TSPAN7: variants seen among roughly 807,000 people sequenced by gnomAD.
TSPAN7 encodes tetraspanin-7.
In TSPAN7, 1 loss-of-function variant was observed where a neutral mutation model predicts 17.6. The observed-to-expected ratio is 0.06, with a 90% confidence interval of 0.02 to 0.27. TSPAN7 has a LOEUF of 0.27. Ranked by LOEUF, TSPAN7 falls within the 10% of genes least tolerant of loss-of-function variation. TSPAN7 has a pLI of 1.00. For synonymous variants in TSPAN7, 78 were observed against 79.0 expected (o/e 0.99, Z 0.07); for missense variants, 112 against 201.7 (o/e 0.56, Z 2.69).
chrX:38,603,853 T>A (rs927258635), intron 1 of TSPAN7, among the ~76,000 whole-genome samples: 1 of 108,957 alleles, frequency 9.2e-6, no homozygotes, highest in South Asian at 3.8e-4. Flanking sequence ...GTATTTTTAT[T>A]TATTTATTTA....
chrX:38,674,890 G>A (rs2069843416), intron 4 of TSPAN7, among the ~76,000 whole-genome samples: 1 of 111,630 alleles, frequency 9.0e-6, no homozygotes, highest in Non-Finnish European at 1.9e-5. Context: ...AATCACTAAG[G>A]GGGATTTTGC....
chrX:38,573,945 G>A lies in TSPAN7; in HGVS notation c.81+12318G>A, dbSNP rs778448149. On this transcript the variant is annotated intron_variant, in intron 1 of 7. Transcript: ENST00000378482. Reference sequence around the variant, plus strand: ...ACTGTTGATATTGACTTTGATCACCGGGGTGAGATAATTTGTCAGGTTTCT... The same window carrying A: ...ACTGTTGATATTGACTTTGATCACCAGGGTGAGATAATTTGTCAGGTTTCT... Among the ~76,000 whole-genome samples the A allele has an allele frequency of 3.6e-5, 4 of 111,476 alleles. No homozygotes were observed. In the South Asian group the frequency reaches 1.1e-3, roughly 31 times the overall value.
Position 38,666,228 on chromosome X carries a change from C to G in TSPAN7, c.189C>G (p.Ile63Met). 1 of 1,211,689 alleles carries G rather than the reference C, an allele frequency of 8.3e-7. No individual in the cohort carries two copies. The change falls in exon 2 of 8, where the codon ATC becomes ATG. Residue 63 changes from isoleucine to methionine, a missense_variant. Transcript: ENST00000378482. ...CCACAAATGCTCCCTATGTGCTCAT[C>G]GGAACTGGCACCACTATTGTTGTCT... ...ENSTNAPYVL[I>M]GTGTTIVVFG...
intron 1 of TSPAN7, among the ~76,000 whole-genome samples, chrX:38,644,661 T>C (rs893516517): frequency 6.3e-5 from 7 of 111,844 alleles, no homozygotes; most frequent in African/African-American, 2.3e-4. Flanking sequence ...ACTCACTGTG[T>C]GATCTTAGGC....
intron 1 of TSPAN7, among the ~76,000 whole-genome samples, chrX:38,584,409 G>A (rs1379614275): frequency 3.6e-5 from 4 of 111,661 alleles, no homozygotes; most frequent in African/African-American, 1.3e-4. Context: ...AATGAAATTA[G>A]GGTGGGCCAT....
intron 1 of TSPAN7, among the ~76,000 whole-genome samples, chrX:38,577,832 T>C (rs754531324): frequency 3.5e-4 from 37 of 105,580 alleles, no homozygotes; most frequent in Non-Finnish European, 6.2e-4. Flanking sequence ...AGAGACGTGG[T>C]TGGTGTAGGG....
At chrX:38,662,439 T>C (rs1305699788) in intron 1 of TSPAN7, among the ~76,000 whole-genome samples, 1 of 111,451 alleles carries the variant, frequency 9.0e-6, no homozygotes. Context: ...GTACAGAACA[T>C]TGACTGTGTG....
chrX:38,656,279 A>G (rs114156269), intron 1 of TSPAN7: 3,452 of 134,611 alleles, frequency 0.026, 134 homozygotes, highest in African/African-American at 0.1. Flanking sequence ...ATGTGTAGTC[A>G]GTACAAACAT....
At chrX:38,677,797 C>G (rs1418445853) in intron 5 of TSPAN7, among the ~76,000 whole-genome samples, 2 of 112,524 alleles carry the variant, frequency 1.8e-5, no homozygotes, top group African/African-American at 3.2e-5. Context: ...TTTCCTGACT[C>G]AATGTCAGAC....
chrX:38,656,637 C>A (rs2069706964), intron 1 of TSPAN7, among the ~76,000 whole-genome samples: 1 of 112,028 alleles, frequency 8.9e-6, no homozygotes, highest in Admixed American at 9.5e-5. Context: ...GTACATAAAT[C>A]TCCTGGTAAG....
chrX:38,585,947 G>C (rs1458517326), intron 1 of TSPAN7, among the ~76,000 whole-genome samples: 1 of 112,821 alleles, frequency 8.9e-6, no homozygotes, highest in Non-Finnish European at 1.9e-5. Context: ...ACCATGTACA[G>C]CCTGCAGAAC....
intron 1 of TSPAN7, chrX:38,562,967 C>T: frequency 1.0e-6 from 1 of 963,343 alleles, no homozygotes; most frequent in Non-Finnish European, 1.3e-6. Context: ...CCTATTTTTG[C>T]TTTGAAACTG....
chrX:38,620,758 AG>A (rs1336460523), intron 1 of TSPAN7, among the ~76,000 whole-genome samples: 1 of 112,136 alleles, frequency 8.9e-6, no homozygotes, highest in Non-Finnish European at 1.9e-5. Context: ...GACATAGGGC[AG>A]GTGGAATCTA....
At chrX:38,564,259 G>GT (rs1232380875) in intron 1 of TSPAN7, among the ~76,000 whole-genome samples, 1 of 110,630 alleles carries the variant, frequency 9.0e-6, no homozygotes, top group Non-Finnish European at 1.9e-5. Flanking sequence ...TTTTGTGACT[G>GT]TTTTTTTCAC....
intron 2 of TSPAN7, among the ~76,000 whole-genome samples, chrX:38,667,568 G>A (rs1376510027): frequency 1.8e-5 from 2 of 111,222 alleles, no homozygotes; most frequent in Non-Finnish European, 3.8e-5. Context: ...TTCCCAACTG[G>A]CACTGGGCAG....
chrX:38,673,130 G>T (rs2069831677), intron 3 of TSPAN7, among the ~76,000 whole-genome samples: 1 of 111,484 alleles, frequency 9.0e-6, no homozygotes, highest in Non-Finnish European at 1.9e-5. Flanking sequence ...TTTTAGCAAA[G>T]AATATGCCTA....
chrX:38,680,202 T>C (rs763551539), intron 5 of TSPAN7, among the ~76,000 whole-genome samples: 43 of 111,501 alleles, frequency 3.9e-4, no homozygotes, highest in Non-Finnish European at 7.0e-4. Context: ...AGACTACAAA[T>C]GTATATAGAT....
At chrX:38,602,344 A>G (rs1328071214) in intron 1 of TSPAN7, among the ~76,000 whole-genome samples, 1 of 111,626 alleles carries the variant, frequency 9.0e-6, no homozygotes, top group Non-Finnish European at 1.9e-5. Context: ...AAGGCAATGA[A>G]TAAATATAAA....
intron 1 of TSPAN7, among the ~76,000 whole-genome samples, chrX:38,642,583 A>G (rs760377003): frequency 2.7e-5 from 3 of 112,445 alleles, no homozygotes; most frequent in African/African-American, 9.7e-5. Flanking sequence ...GAAAGATTCA[A>G]TAAGAAACAA....
Sources: allele counts gnomAD v4.1 joint callset (sites outside exome capture counted in the v4.1 genomes callset), GRCh38; gene constraint gnomAD v4.1.1; transcripts MANE v1.5; gene names NCBI Gene and HGNC (gene_info 2026-07-23, HGNC 2026-07-21).